The following TLR5 variants were observed in gnomAD, a reference collection of about 807,000 sequenced individuals.
TLR5 encodes toll like receptor 5.
For synonymous variants in TLR5, 373 were observed against 384.4 expected (o/e 0.97, Z 0.35); for missense variants, 944 against 999.8 (o/e 0.94, Z 0.75).
At chr1:223,138,868 T>C (rs1030209383) in intron 2 of TLR5, among the ~76,000 whole-genome samples, 2 of 152,130 alleles carry the variant, frequency 1.3e-5, no homozygotes, top group African/African-American at 4.8e-5. Context: ...AATCCCCACG[T>C]GTTGAGGGAG....
In TLR5 at chr1:223,112,784, G is replaced by T. The variant is rs774879768; in HGVS notation, c.248C>A (p.Pro83His). 2 of 1,613,086 alleles carry T rather than the reference G, an allele frequency of 1.2e-6. No homozygotes were observed. The change falls in exon 6 of 6, where the codon CCC (proline) becomes CAC (histidine). Residue 83 changes from proline (P) to histidine (H), a missense_variant. By Grantham distance (77) the Pro-to-His change is moderately conservative (BLOSUM62 -2). Transcript: ENST00000642603. Reference sequence around the variant, plus strand: ...GAAGGCCTCCTTGTCAATAGTCAAGGGGGTATACTGGCTCCCGAGCTCCAG... The same window carrying T: ...GAAGGCCTCCTTGTCAATAGTCAAGTGGGTATACTGGCTCCCGAGCTCCAG... ...QLLELGSQYT[P>H]LTIDKEAFRN...
intron 5 of TLR5, among the ~76,000 whole-genome samples, chr1:223,126,425 G>C (rs986285592): frequency 2.0e-4 from 30 of 152,154 alleles, no homozygotes; most frequent in African/African-American, 6.0e-4. Flanking sequence ...AAACAGTAGT[G>C]AATGTACTTA....
chr1:223,125,624 C>T (rs76315422), intron 5 of TLR5, among the ~76,000 whole-genome samples: 8 of 77,248 alleles, frequency 1.0e-4, no homozygotes, highest in African/African-American at 2.1e-4. Flanking sequence ...ATGGTGGTGG[C>T]GGTGGGGGTT....
chr1:223,119,661 A>G (rs775807906), intron 5 of TLR5, among the ~76,000 whole-genome samples: 7 of 151,984 alleles, frequency 4.6e-5, no homozygotes, highest in Non-Finnish European at 8.8e-5. Context: ...TTGTAGCAAT[A>G]AGATACCAAC....
rs1657397953 is a variant in TLR5 at position 223,131,614 on chromosome 1, A to G, written c.-5+861T>C. On this transcript the variant is annotated intron_variant, in intron 5 of 5. Transcript: ENST00000642603. This position sits in a 1 kb window ranked among gnomAD's most constrained non-coding sequence, Gnocchi z 4.2. ...GATCTCGCTCTGTTACCCAGGCTAG[A>G]GTGCAGTGGTGCAATCAGGGCTTAC... Among the ~76,000 whole-genome samples, 1 of 152,160 alleles carries G rather than the reference A, an allele frequency of 6.6e-6. No individual in the cohort carries two copies. The highest frequency in any genetic ancestry group is 2.4e-5 in the African/African-American group (1 of 41,442).
rs1558120387 is a variant in TLR5, at chr1:223,113,122, T to C, written c.-4-87A>G. On this transcript the variant is annotated intron_variant, in intron 5 of 5. Coordinates refer to ENST00000642603, the MANE Select transcript of TLR5 (RefSeq NM_003268.6). ...CTTCAGATCTTGGGGGTATTCTCTA[T>C]GATGTGCCTGCTCCCTTTGACCCCT... 3.1e-6 allele frequency: 4 copies of C among 1,295,858 alleles called. No individual in the cohort carries two copies. The East Asian group carries it at 9.5e-5, about 31-fold the overall frequency. 80.3% of individuals were successfully genotyped at this position (1,295,858 alleles called of 1,614,324 possible).
intron 4 of TLR5, 119 bp from the exon 5 acceptor site, chr1:223,132,758 C>T (rs1448931444): frequency 3.9e-5 from 6 of 152,310 alleles, no homozygotes; most frequent in African/African-American, 9.7e-5. Context: ...TGTATCTCTA[C>T]TAAATGGAAT....
rs745869062 is a variant in TLR5, at chr1:223,112,489, T to C, written c.543A>G (p.Gln181=). The C allele has an allele frequency of 2.5e-6, 4 of 1,614,238 alleles. No individual in the cohort carries two copies. The change falls in exon 6 of 6, where the codon CAA becomes CAG. Residue 181 remains glutamine (Q), a synonymous_variant. Transcript: ENST00000642603. ...SLKSIDFSSN[Q]IFLVCEHELE... ...GCTCATGTTCACATACAAGGAATAT[T>C]TGGTTGGAGGAAAAATCTATGGACT...
Position 223,132,484 on chromosome 1 carries a change from C to T in TLR5, c.-14G>A, listed in dbSNP as rs1443380128. 1 of 152,262 alleles carries T rather than the reference C, an allele frequency of 6.6e-6. No individual in the cohort carries two copies. Among genetic ancestry groups the T allele is most frequent in the South Asian group, 2.1e-4 (1 of 4,820 alleles). The allele number at this position is 152,262 out of a possible 1,614,324, so 9.4% of individuals were successfully genotyped here. A position where few individuals can be genotyped will look rare whatever the true frequency, so the allele number is the denominator to read the frequency against. ...TACCAGAAGCACTTACCTCGTTGTC[C>T]TAGCAGAAGGGACTTCTAGTATGTT... On this transcript the variant is annotated 5_prime_UTR_variant, in exon 5 of 6. Coordinates refer to ENST00000642603, the MANE Select transcript of TLR5 (RefSeq NM_003268.6).
intron 4 of TLR5, among the ~76,000 whole-genome samples, chr1:223,133,874 G>A (rs1447763880): frequency 6.6e-6 from 1 of 152,224 alleles, no homozygotes; most frequent in Non-Finnish European, 1.5e-5. Context: ...GACCGAGGGG[G>A]AGGAGCCCGC....
At chr1:223,138,719 C>A (rs1178698453) in intron 2 of TLR5, among the ~76,000 whole-genome samples, 1 of 152,208 alleles carries the variant, frequency 6.6e-6, no homozygotes, top group Non-Finnish European at 1.5e-5. Context: ...AAGTGGACTT[C>A]TCCCCAGGCC....
rs1229210565 is a variant in TLR5, at chr1:223,111,576, G to A, written c.1456C>T (p.Gln486Ter). The A allele has an allele frequency of 1.2e-6, 2 of 1,614,160 alleles. No individual in the cohort carries two copies. The highest frequency in any genetic ancestry group is 1.1e-5 in the South Asian group (1 of 91,070). The change falls in exon 6 of 6, where the codon CAA becomes TAA. Residue 486 changes from glutamine to a stop codon, truncating the protein, a stop_gained. Transcript: ENST00000642603. LOFTEE classifies it low-confidence loss of function (END_TRUNC). The stretch of plus-strand genomic sequence containing the variant: ...CAGAGCTCAGTTTCCCAGGCAAGTT[G>A]CAACATATTTTCTCCAAGGAAAAGC... ...EQLFLGENML[Q>*]LAWETELCWD... is the part of the protein sequence containing the mutation.
At chr1:223,118,688 T>G (rs1196020981) in intron 5 of TLR5, among the ~76,000 whole-genome samples, 1 of 152,222 alleles carries the variant, frequency 6.6e-6, no homozygotes, top group Non-Finnish European at 1.5e-5. Context: ...CTCATCAGAC[T>G]TAAGGTCTGT....
intron 5 of TLR5, among the ~76,000 whole-genome samples, chr1:223,118,089 G>A (rs1656766650): frequency 6.6e-6 from 1 of 152,202 alleles, no homozygotes; most frequent in Admixed American, 6.5e-5. Flanking sequence ...GGTGGTCAGG[G>A]TGCAGCTTGG....
chr1:223,130,234 C>T (rs932859482), intron 5 of TLR5, among the ~76,000 whole-genome samples: 1 of 152,170 alleles, frequency 6.6e-6, no homozygotes, highest in African/African-American at 2.4e-5. Flanking sequence ...ACCTACTAAA[C>T]CTCTTCTAGA....
At chr1:223,116,457 G>A (rs953932533) in intron 5 of TLR5, among the ~76,000 whole-genome samples, 10 of 152,074 alleles carry the variant, frequency 6.6e-5, no homozygotes, top group African/African-American at 2.4e-4. Flanking sequence ...TGGTCTTGCT[G>A]GCCTCAGGAA....
chr1:223,111,471 C>G lies in TLR5; in HGVS notation c.1561G>C (p.Val521Leu). ...CTTAATGCAGTCAGATGGCTAAATACTCCTGGTGGAAGGGAATTAAGATAG... is the reference window on the plus strand; with the variant it reads ...CTTAATGCAGTCAGATGGCTAAATAGTCCTGGTGGAAGGGAATTAAGATAG... ...HNYLNSLPPGVFSHLTALRGL... is the reference protein window; with the variant it reads ...HNYLNSLPPGLFSHLTALRGL... The change falls in exon 6 of 6, where the codon GTA becomes CTA. Residue 521 changes from valine (V) to leucine (L), a missense_variant. Val to Leu is a conservative substitution (Grantham distance 32). Transcript: ENST00000642603. 1 of 1,614,152 alleles carries G rather than the reference C, an allele frequency of 6.2e-7. No homozygotes were observed. The highest frequency in any genetic ancestry group is 8.5e-7 in the Non-Finnish European group (1 of 1,180,038).
In TLR5 at chr1:223,125,208, G is replaced by A. The variant is rs550020360; in HGVS notation, c.-5+7267C>T. ...TATTGTTCCCTAATACATCAATCAC[G>A]TTAGAAACAAATTTACATTCCAAAA... On this transcript the variant is annotated intron_variant, in intron 5 of 5. Coordinates refer to ENST00000642603, the MANE Select transcript of TLR5 (RefSeq NM_003268.6). 8.0e-4 allele frequency among the ~76,000 whole-genome samples: 122 copies of A among 152,172 alleles called. 1 individual carries two copies. Among genetic ancestry groups the A allele is most frequent in the Middle Eastern group, 3.4e-3 (1 of 294 alleles).
At chr1:223,133,394 C>G (rs186827630) in intron 4 of TLR5, among the ~76,000 whole-genome samples, 1 of 152,182 alleles carries the variant, frequency 6.6e-6, no homozygotes, top group African/African-American at 2.4e-5. Flanking sequence ...AACGGCCCGC[C>G]TGAGACCTCC....
Sources: allele counts gnomAD v4.1 joint callset (sites outside exome capture counted in the v4.1 genomes callset), GRCh38; gene constraint gnomAD v4.1.1; non-coding constraint Gnocchi (gnomAD v3.1); transcripts MANE v1.5; gene names NCBI Gene and HGNC (gene_info 2026-07-23, HGNC 2026-07-21).